Variants in TUSC3 observed in about 807,000 individuals in gnomAD.
TUSC3 encodes the protein tumor suppressor candidate 3.
A neutral mutation model predicts 44.8 loss-of-function variants in TUSC3; 45 were observed. The observed-to-expected ratio is 1.00, with a 90% CI of 0.79 to 1.29. The LOEUF (loss-of-function observed/expected upper bound fraction) is 1.29. Among genes scored for constraint, TUSC3 ranks in the 50% most tolerant of loss-of-function variants. The probability of loss-of-function intolerance (pLI) is 0.00; values close to 1 mark genes in which losing one functional copy is unlikely to be tolerated. For missense variants in TUSC3, 519 were observed against 437.9 expected, an observed-to-expected ratio of 1.19 and a Z score of -1.65; for synonymous variants, 212 against 152.9, an observed-to-expected ratio of 1.39 and a Z score of -2.85.
At chr8:15,826,361 T>C in the TUSC3 span, among the ~76,000 whole-genome samples, 1 of 152,210 alleles carries the variant, frequency 6.6e-6, no homozygotes, top group African/African-American at 2.4e-5. Context: ...TAAAGATTAA[T>C]TAGCACCCTC....
At chr8:15,718,256 G>A (rs1298911881) in intron 6 of TUSC3, among the ~76,000 whole-genome samples, 1 of 152,096 alleles carries the variant, frequency 6.6e-6, no homozygotes, top group African/African-American at 2.4e-5. Flanking sequence ...TTGGGTCAAA[G>A]TAATAGAAAA....
the TUSC3 span, among the ~76,000 whole-genome samples, chr8:15,801,123 G>A: frequency 6.6e-5 from 10 of 152,168 alleles, no homozygotes; most frequent in Admixed American, 6.5e-4. Flanking sequence ...CTACTCCATA[G>A]ACAGAGCACC....
At chr8:15,430,941 C>A (rs73189470) in intron 1 of TUSC3, among the ~76,000 whole-genome samples, 16,374 of 151,774 alleles carry the variant, frequency 0.11, 1,157 homozygotes, top group Middle Eastern at 0.21. Context: ...TTATTGTTGA[C>A]TGTCCTTTCC....
downstream of TUSC3, among the ~76,000 whole-genome samples, chr8:15,767,242 A>G (rs901778667): frequency 1.3e-5 from 2 of 152,094 alleles, no homozygotes; most frequent in African/African-American, 4.8e-5. Context: ...ATATATTTAT[A>G]TCATATACCA....
rs575597841 is a variant in TUSC3 at position 15,431,963 on chromosome 8, A to G, written n.91+14658A>G. ...GTTGCACTATCTTTGCATTCCAGGC[A>G]TGAATCTCACTTAATTGTGGCGTGT... On this transcript the variant is annotated intron_variant and non_coding_transcript_variant, in intron 1 of 5. Transcript: ENST00000503191. Among the ~76,000 whole-genome samples the G allele has an allele frequency of 2.1e-5, 3 of 143,482 alleles. No homozygotes were observed. The South Asian group carries it at 6.3e-4, about 30-fold the overall frequency. 94.1% of individuals were successfully genotyped at this position (143,482 alleles called of 152,430 possible).
chr8:15,825,380 C>T, the TUSC3 span, among the ~76,000 whole-genome samples: 13 of 152,074 alleles, frequency 8.5e-5, no homozygotes, highest in African/African-American at 2.2e-4. Context: ...GGCAAGAGGA[C>T]GTGTGCAGGG....
intron 1 of TUSC3, 149 bp downstream of exon 1, chr8:15,540,717 C>T (rs1801658004): frequency 8.7e-7 from 1 of 1,145,704 alleles, no homozygotes; most frequent in South Asian, 1.8e-5. Context: ...GGTGGGAGGC[C>T]CTGGGGCGTT....
intron 2 of TUSC3, among the ~76,000 whole-genome samples, chr8:15,533,817 T>G (rs912114253): frequency 6.6e-6 from 1 of 152,056 alleles, no homozygotes; most frequent in Non-Finnish European, 1.5e-5. Flanking sequence ...TCTGGCCAGA[T>G]GGGAGGTTAT....
intron 2 of TUSC3, among the ~76,000 whole-genome samples, chr8:15,636,053 A>G (rs967742436): frequency 1.3e-5 from 2 of 152,132 alleles, no homozygotes; most frequent in Admixed American, 6.5e-5. Flanking sequence ...AGTCAGTACA[A>G]ATGTGGGAAG....
At chr8:15,428,509 G>C (rs12553994) in intron 1 of TUSC3, among the ~76,000 whole-genome samples, 1 of 152,032 alleles carries the variant, frequency 6.6e-6, no homozygotes, top group Non-Finnish European at 1.5e-5. Flanking sequence ...TGGGTCAAAT[G>C]GTATTTCTAG....
the TUSC3 span, among the ~76,000 whole-genome samples, chr8:15,819,836 C>T: frequency 6.2e-3 from 940 of 152,202 alleles, 23 homozygotes; most frequent in East Asian, 0.089. Flanking sequence ...AGAACTTGGG[C>T]GTATTTATGA....
intron 6 of TUSC3, among the ~76,000 whole-genome samples, chr8:15,716,514 A>G (rs1810066771): frequency 6.6e-6 from 1 of 152,106 alleles, no homozygotes; most frequent in African/African-American, 2.4e-5. Flanking sequence ...TGGGTAAAAA[A>G]TTGAGTAAGT....
At chr8:15,424,478 A>G (rs1469176062) in intron 1 of TUSC3, among the ~76,000 whole-genome samples, 1 of 152,226 alleles carries the variant, frequency 6.6e-6, no homozygotes, top group East Asian at 1.9e-4. Flanking sequence ...GAAAAGGGAT[A>G]GATGTGGTTT....
In TUSC3 at chr8:15,434,012, AT is replaced by A. The variant is rs577984852; in HGVS notation, n.91+16710del. Among the ~76,000 whole-genome samples the A allele has an allele frequency of 2.5e-3, 382 of 152,194 alleles. 5 individuals carry two copies. The highest frequency in any genetic ancestry group is 3.3e-3 in the Admixed American group (51 of 15,294). On this transcript the variant is annotated intron_variant and non_coding_transcript_variant, in intron 1 of 5. Transcript: ENST00000503191. ...TTACTGTGTCATATACTAAGTATAT[AT>A]TTAACTTCATGAGAAACTAAACAGT...
At chr8:15,517,522 CAAAAAAAAAAAAAAAAAAAAAAAA>C (rs71211049) in intron 2 of TUSC3, among the ~76,000 whole-genome samples, 1 of 77,554 alleles carries the variant, frequency 1.3e-5, no homozygotes. Flanking sequence ...TAGCGTGAGG[CAAAAAAAAAAAAAAAAAAAAAAAA>C]AAAAAAAAAA....
At chr8:15,745,681 T>C (rs895011484) in intron 8 of TUSC3, among the ~76,000 whole-genome samples, 4 of 151,770 alleles carry the variant, frequency 2.6e-5, no homozygotes, top group African/African-American at 7.3e-5. Flanking sequence ...TCCGTGTAGA[T>C]TCTGGATACT....
intron 1 of TUSC3, among the ~76,000 whole-genome samples, chr8:15,573,202 C>CTCTCTA (rs1435847916): frequency 1.2e-3 from 86 of 74,172 alleles, no homozygotes; most frequent in South Asian, 1.4e-3. Context: ...CTCTCTCTCT[C>CTCTCTA]TATATATATA....
chr8:15,828,780 A>T, the TUSC3 span, among the ~76,000 whole-genome samples: 2 of 152,344 alleles, frequency 1.3e-5, no homozygotes, highest in South Asian at 4.1e-4. Context: ...TCCATGCTAT[A>T]AGCTGGCTAT....
chr8:15,792,885 A>G, the TUSC3 span, among the ~76,000 whole-genome samples: 467 of 152,010 alleles, frequency 3.1e-3, no homozygotes, highest in African/African-American at 0.011. Context: ...TCCCAAAGTG[A>G]TGGGATTACA....
Sources: gnomAD v4.1 joint callset for allele counts (sites outside exome capture counted in the v4.1 genomes callset) on GRCh38, gnomAD v4.1.1 for gene constraint, MANE v1.5 for transcripts, NCBI Gene and HGNC (gene_info 2026-07-23, HGNC 2026-07-21) for gene names.